Variants in KAZN observed in about 807,000 individuals in gnomAD.
KAZN encodes kazrin, periplakin interacting protein.
In KAZN, 40 loss-of-function variants were observed where a neutral mutation model predicts 87.4. The ratio of observed to expected loss-of-function variants is 0.46; its 90% CI spans 0.36 to 0.60. KAZN has a LOEUF of 0.60. KAZN is among the 20% of genes least tolerant of loss of function. The pLI, the probability that KAZN is intolerant of heterozygous loss-of-function variation, is 0.00. For missense variants in KAZN, 898 were observed against 1,073.9 expected, an observed-to-expected ratio of 0.84 and a Z score of 2.29; for synonymous variants, 466 against 458.3, an observed-to-expected ratio of 1.02 and a Z score of -0.22.
rs540254444 is a variant in KAZN at position 14,323,277 on chromosome 1, G to A, written c.249+142685G>A. 7.9e-5 allele frequency among the ~76,000 whole-genome samples: 12 copies of A among 152,172 alleles called. 1 individual carries two copies. Among genetic ancestry groups the A allele is most frequent in the Admixed American group, 1.3e-4 (2 of 15,276 alleles). ...CACTTTGCATGGCCAATCAAGCCACGTGGCCATGCCTGGTGGATGAGCAGG... is the reference window on the plus strand; with the variant it reads ...CACTTTGCATGGCCAATCAAGCCACATGGCCATGCCTGGTGGATGAGCAGG... On this transcript the variant is annotated intron_variant, in intron 2 of 16. Transcript: ENST00000636203.
chr1:13,903,071 T>C (rs1456872867), intron 1 of KAZN, among the ~76,000 whole-genome samples: 3 of 152,250 alleles, frequency 2.0e-5, no homozygotes, highest in Non-Finnish European at 4.4e-5. Flanking sequence ...ATTTGAAGTC[T>C]TAACACTGAC....
upstream of KAZN, among the ~76,000 whole-genome samples, chr1:14,598,271 G>A (rs1226117288): frequency 6.6e-6 from 1 of 152,086 alleles, no homozygotes; most frequent in Non-Finnish European, 1.5e-5. The surrounding 1 kb of genome is among the most constrained non-coding windows in gnomAD (Gnocchi z 4.2). Flanking sequence ...TTAAGGAACC[G>A]GTGGAGCACG....
intron 1 of KAZN, among the ~76,000 whole-genome samples, chr1:14,855,302 C>A (rs1198485494): frequency 6.6e-6 from 1 of 152,122 alleles, no homozygotes; most frequent in Non-Finnish European, 1.5e-5. Context: ...ATGATCCTTC[C>A]CCAGTCCTGC....
intron 1 of KAZN, among the ~76,000 whole-genome samples, chr1:14,654,752 A>G (rs1356737828): frequency 6.6e-6 from 1 of 152,176 alleles, no homozygotes; most frequent in Non-Finnish European, 1.5e-5. Context: ...AGTACTGTGC[A>G]AGACTGGACA....
intron 1 of KAZN, among the ~76,000 whole-genome samples, chr1:14,118,301 T>C (rs16853600): frequency 0.12 from 18,455 of 152,264 alleles, 1,363 homozygotes; most frequent in African/African-American, 0.19. Context: ...GCCAAGGCTC[T>C]AGAGGGTTTT....
At chr1:14,373,235 A>G (rs1288287685) in intron 2 of KAZN, among the ~76,000 whole-genome samples, 2 of 150,912 alleles carry the variant, frequency 1.3e-5, no homozygotes, top group African/African-American at 2.4e-5. Context: ...ATGCACACAT[A>G]TAATTATAAG....
intron 1 of KAZN, among the ~76,000 whole-genome samples, chr1:13,970,133 G>A (rs1642085585): frequency 6.6e-6 from 1 of 152,198 alleles, no homozygotes; most frequent in African/African-American, 2.4e-5. Flanking sequence ...CTAGAAAAAA[G>A]AGGCTGAAAG....
chr1:14,741,913 C>T (rs968107268), intron 1 of KAZN, among the ~76,000 whole-genome samples: 1 of 152,134 alleles, frequency 6.6e-6, no homozygotes, highest in East Asian at 1.9e-4. Context: ...TTCTGTTAAC[C>T]AATTCAATGT....
intron 1 of KAZN, among the ~76,000 whole-genome samples, chr1:14,600,721 A>G (rs896809742): frequency 2.0e-5 from 3 of 151,520 alleles, no homozygotes; most frequent in African/African-American, 7.3e-5. Flanking sequence ...CACTTTTTAT[A>G]GGCAGAGGCT....
At chr1:15,102,671 G>A (rs1018947162) in intron 11 of KAZN, among the ~76,000 whole-genome samples, 24 of 152,336 alleles carry the variant, frequency 1.6e-4, no homozygotes, top group African/African-American at 5.3e-4. Flanking sequence ...CATCCACTGT[G>A]TGCCTACTGT....
intron 2 of KAZN, among the ~76,000 whole-genome samples, chr1:14,556,580 A>G (rs892157742): frequency 1.3e-5 from 2 of 152,124 alleles, no homozygotes; most frequent in South Asian, 2.1e-4. Flanking sequence ...TTAAAAGAAG[A>G]CAACATTTTT....
intron 1 of KAZN, among the ~76,000 whole-genome samples, chr1:14,904,105 G>C (rs1370402656): frequency 1.3e-5 from 2 of 152,156 alleles, no homozygotes; most frequent in Admixed American, 1.3e-4. Context: ...TCTTGAGTTA[G>C]CAGACTCACG....
intron 1 of KAZN, among the ~76,000 whole-genome samples, chr1:14,101,783 T>C (rs554693248): frequency 6.6e-6 from 1 of 152,366 alleles, no homozygotes; most frequent in African/African-American, 2.4e-5. Context: ...AGGTCAGTTT[T>C]TTCTCTTAAA....
intron 2 of KAZN, among the ~76,000 whole-genome samples, chr1:14,383,782 T>C (rs897747731): frequency 6.6e-5 from 10 of 152,180 alleles, no homozygotes; most frequent in South Asian, 2.1e-4. Flanking sequence ...TGGCTTAGGA[T>C]TGACTTGGCT....
At chr1:14,786,900 T>A (rs1181361978) in intron 1 of KAZN, among the ~76,000 whole-genome samples, 1 of 152,230 alleles carries the variant, frequency 6.6e-6, no homozygotes, top group African/African-American at 2.4e-5. Context: ...AGAAGAAATG[T>A]GGTGAAATGA....
At chr1:14,329,041 A>G (rs1439053302) in intron 2 of KAZN, among the ~76,000 whole-genome samples, 5 of 152,334 alleles carry the variant, frequency 3.3e-5, no homozygotes, top group Admixed American at 6.5e-5. Context: ...TTAATGATTC[A>G]GGTGAACAAA....
At chr1:15,041,341 T>TTGTTTTTG (rs1557744810) in intron 3 of KAZN, among the ~76,000 whole-genome samples, 4 of 146,586 alleles carry the variant, frequency 2.7e-5, no homozygotes. Context: ...CTTTTTTTTT[T>TTGTTTTTG]TTTTTGTTTT....
At chr1:14,234,489 CATGTGTATACCT>C (rs1648202855) in intron 2 of KAZN, among the ~76,000 whole-genome samples, 1 of 152,140 alleles carries the variant, frequency 6.6e-6, no homozygotes, top group African/African-American at 2.4e-5. Flanking sequence ...ACCACCATGG[CATGTGTATACCT>C]ATGTAACAAA....
intron 2 of KAZN, among the ~76,000 whole-genome samples, chr1:15,003,980 T>C (rs1668760639): frequency 6.6e-6 from 1 of 152,154 alleles, no homozygotes; most frequent in Non-Finnish European, 1.5e-5. Context: ...CCGGTCCTCC[T>C]TTGCACCTTC....
Sources: gnomAD v4.1 joint callset for allele counts (sites outside exome capture counted in the v4.1 genomes callset) on GRCh38, gnomAD v4.1.1 for gene constraint, Gnocchi (gnomAD v3.1) non-coding constraint, MANE v1.5 for transcripts, NCBI Gene and HGNC (gene_info 2026-07-23, HGNC 2026-07-21) for gene names.